The following SPRED2 variants were observed in gnomAD, a reference collection of about 807,000 sequenced individuals.
SPRED2 encodes the protein sprouty-related, EVH1 domain-containing protein 2.
In SPRED2, 47 loss-of-function variants were observed where a neutral mutation model predicts 43.0. The ratio of observed to expected loss-of-function variants is 1.09; its 90% CI spans 0.87 to 1.40. The LOEUF is 1.40. Among genes scored for constraint, SPRED2 ranks in the 40% most tolerant of loss-of-function variants. The pLI is 0.00. For missense variants in SPRED2, 561 were observed against 586.4 expected (o/e 0.96, Z 0.45); for synonymous variants, 225 against 225.7 (o/e 1.00, Z 0.03).
intron 1 of SPRED2, among the ~76,000 whole-genome samples, chr2:65,347,992 G>A (rs1421953824): frequency 1.3e-5 from 2 of 152,010 alleles, no homozygotes; most frequent in African/African-American, 4.8e-5. Context: ...AAATAGAAAG[G>A]TAAGTCAGAT....
chr2:65,327,494 G>T (rs994380742), intron 4 of SPRED2, among the ~76,000 whole-genome samples: 1 of 152,020 alleles, frequency 6.6e-6, no homozygotes, highest in Non-Finnish European at 1.5e-5. Context: ...ATTACATGTC[G>T]ATAAAAAGAT....
chr2:65,342,202 T>C (rs1264805119), intron 2 of SPRED2, among the ~76,000 whole-genome samples: 2 of 148,350 alleles, frequency 1.3e-5, no homozygotes, highest in African/African-American at 4.9e-5. Flanking sequence ...ACGTATATTA[T>C]GTATGTATAT....
intron 4 of SPRED2, among the ~76,000 whole-genome samples, chr2:65,323,560 C>T (rs1363325420): frequency 2.0e-5 from 3 of 151,516 alleles, no homozygotes; most frequent in Non-Finnish European, 4.4e-5. Flanking sequence ...CTGTCCAAAT[C>T]CTCTATGGTA....
At chr2:65,385,279 C>A (rs1052573086) in intron 1 of SPRED2, among the ~76,000 whole-genome samples, 2 of 152,104 alleles carry the variant, frequency 1.3e-5, no homozygotes, top group Non-Finnish European at 2.9e-5. Flanking sequence ...GCCTGCTTTC[C>A]ACTTCTAATG....
At chr2:65,387,074 C>T (rs927279946) in intron 1 of SPRED2, among the ~76,000 whole-genome samples, 2 of 152,162 alleles carry the variant, frequency 1.3e-5, no homozygotes, top group South Asian at 2.1e-4. Context: ...GTCTAAAACC[C>T]CAAAGGGGAA....
intron 4 of SPRED2, among the ~76,000 whole-genome samples, chr2:65,324,539 T>C (rs1572838261): frequency 6.6e-6 from 1 of 152,176 alleles, no homozygotes; most frequent in East Asian, 1.9e-4. Flanking sequence ...TTTTGTACAA[T>C]ATGATCTCTT....
chr2:65,361,278 T>G (rs957077154), intron 1 of SPRED2, among the ~76,000 whole-genome samples: 11 of 152,238 alleles, frequency 7.2e-5, no homozygotes, highest in African/African-American at 2.7e-4. Flanking sequence ...GTGTAAATGT[T>G]GGCTTTGCTT....
In SPRED2 at chr2:65,313,278, G is replaced by C. The variant is rs956693240; in HGVS notation, c.*223C>G. 4 of 1,390,312 alleles carry C rather than the reference G, an allele frequency of 2.9e-6. No homozygotes were observed. The highest frequency in any genetic ancestry group is 3.7e-6 in the Non-Finnish European group (4 of 1,076,652). The allele number at this position is 1,390,312 out of a possible 1,614,324, so 86.1% of individuals were successfully genotyped here. ...TCCTTCCTCAGAACACTGTGCGAGC[G>C]TGTGTGTATGGATGTGGCTGCTGCA... On this transcript the variant is annotated 3_prime_UTR_variant, in exon 6 of 6. Coordinates refer to ENST00000356388, the MANE Select transcript of SPRED2 (RefSeq NM_181784.3).
At chr2:65,421,842 A>G (rs1487824001) in intron 1 of SPRED2, among the ~76,000 whole-genome samples, 1 of 152,116 alleles carries the variant, frequency 6.6e-6, no homozygotes, top group Non-Finnish European at 1.5e-5. Flanking sequence ...CAGATAACAC[A>G]ATTTTTTATA....
chr2:65,324,461 G>A (rs1429526513), intron 4 of SPRED2, among the ~76,000 whole-genome samples: 2 of 152,178 alleles, frequency 1.3e-5, no homozygotes, highest in Non-Finnish European at 2.9e-5. Flanking sequence ...CCTGAATGGA[G>A]AAACGAGACT....
chr2:65,390,895 G>A (rs967969718), intron 1 of SPRED2, among the ~76,000 whole-genome samples: 5 of 151,960 alleles, frequency 3.3e-5, no homozygotes, highest in African/African-American at 1.2e-4. Context: ...GACCAGCCTA[G>A]GCAACATGTA....
intron 2 of SPRED2, among the ~76,000 whole-genome samples, chr2:65,340,548 A>G (rs1674146577): frequency 6.6e-6 from 1 of 152,250 alleles, no homozygotes; most frequent in Non-Finnish European, 1.5e-5. Context: ...TTTCAGGAGT[A>G]AACTCCTCTA....
intron 2 of SPRED2, 141 bp downstream of exon 2, chr2:65,344,578 G>T (rs546346624): frequency 1.1e-5 from 12 of 1,127,310 alleles, no homozygotes; most frequent in Admixed American, 2.0e-5. Context: ...CCAGCTCCGG[G>T]GTTCTAACTT....
intron 1 of SPRED2, among the ~76,000 whole-genome samples, chr2:65,405,860 A>G (rs922849716): frequency 5.9e-5 from 9 of 151,992 alleles, no homozygotes; most frequent in Non-Finnish European, 1.2e-4. Context: ...CTATTTGAGA[A>G]GACCCGGACT....
intron 1 of SPRED2, among the ~76,000 whole-genome samples, chr2:65,412,431 CA>C (rs1266095819): frequency 1.3e-5 from 2 of 152,170 alleles, no homozygotes; most frequent in African/African-American, 4.8e-5. Context: ...GACAGAAATA[CA>C]GTTGTAATTA....
At chr2:65,372,863 A>G (rs1675160793) in intron 1 of SPRED2, among the ~76,000 whole-genome samples, 1 of 152,140 alleles carries the variant, frequency 6.6e-6, no homozygotes, top group Non-Finnish European at 1.5e-5. Flanking sequence ...CTGTTTCCCT[A>G]CCTCTAAGCC....
intron 1 of SPRED2, among the ~76,000 whole-genome samples, chr2:65,373,178 C>T (rs1675169500): frequency 6.6e-6 from 1 of 152,218 alleles, no homozygotes; most frequent in African/African-American, 2.4e-5. Context: ...AGCTTTGCCA[C>T]TAGTTATACA....
intron 3 of SPRED2, 115 bp downstream of exon 3, chr2:65,334,490 G>C: frequency 7.6e-7 from 1 of 1,317,410 alleles, no homozygotes; most frequent in African/African-American, 1.5e-5. Flanking sequence ...CTACTGACCT[G>C]GTCCCAAACC....
chr2:65,331,603 G>A (rs943421487), intron 4 of SPRED2, among the ~76,000 whole-genome samples: 3 of 152,198 alleles, frequency 2.0e-5, no homozygotes, highest in Non-Finnish European at 1.5e-5. Flanking sequence ...CTCCAAATAG[G>A]GCAAGCGATT....
Sources: allele counts gnomAD v4.1 joint callset (sites outside exome capture counted in the v4.1 genomes callset), GRCh38; gene constraint gnomAD v4.1.1; transcripts MANE v1.5; gene names NCBI Gene and HGNC (gene_info 2026-07-23, HGNC 2026-07-21).